SHISA9: variants seen among roughly 807,000 people sequenced by gnomAD.
The protein encoded by SHISA9 is shisa family member 9.
A neutral mutation model predicts 38.0 loss-of-function variants in SHISA9; 13 were observed. That is an observed-to-expected ratio of 0.34 (90% CI 0.22 to 0.54). The LOEUF is 0.54. Ranked by LOEUF, SHISA9 falls within the 20% of genes least tolerant of loss-of-function variation. The pLI is 0.91. For synonymous variants in SHISA9, 275 were observed against 242.0 expected (o/e 1.14, Z -1.27); for missense variants, 538 against 575.8 (o/e 0.93, Z 0.67).
chr16:13,275,122 C>T, the SHISA9 span, among the ~76,000 whole-genome samples: 1 of 152,158 alleles, frequency 6.6e-6, no homozygotes, highest in South Asian at 2.1e-4. Context: ...AAAGACCTCA[C>T]AGGGCTACTG....
At chr16:13,213,943 A>C (rs2098745) in intron 4 of SHISA9, among the ~76,000 whole-genome samples, 37,993 of 152,050 alleles carry the variant, frequency 0.25, 5,649 homozygotes, top group African/African-American at 0.41. Flanking sequence ...CTGTGTAGGC[A>C]TTGTCATCTG....
the SHISA9 span, among the ~76,000 whole-genome samples, chr16:13,361,242 C>T: frequency 2.6e-5 from 4 of 152,306 alleles, no homozygotes; most frequent in South Asian, 2.1e-4. Context: ...TGGGGTTGCT[C>T]GCTCTCTAGA....
At chr16:12,956,830 A>C (rs1044033640) in intron 2 of SHISA9, among the ~76,000 whole-genome samples, 1 of 152,182 alleles carries the variant, frequency 6.6e-6, no homozygotes. Flanking sequence ...CCATTACACA[A>C]AATACCTATA....
At chr16:13,359,761 T>C in the SHISA9 span, among the ~76,000 whole-genome samples, 8 of 152,232 alleles carry the variant, frequency 5.3e-5, no homozygotes, top group Non-Finnish European at 1.2e-4. Flanking sequence ...AGTGTCACTT[T>C]CCTTGTGTGA....
intron 2 of SHISA9, among the ~76,000 whole-genome samples, chr16:13,178,318 C>T (rs2050748839): frequency 6.7e-6 from 1 of 150,358 alleles, no homozygotes; most frequent in Non-Finnish European, 1.5e-5. Flanking sequence ...GCCCATCCCT[C>T]TCTCTGGGTT....
chr16:13,103,950 A>C (rs1302745437), intron 2 of SHISA9, among the ~76,000 whole-genome samples: 2 of 152,166 alleles, frequency 1.3e-5, no homozygotes, highest in Non-Finnish European at 2.9e-5. Flanking sequence ...TCCAAGCTCC[A>C]AAGCCATCCT....
chr16:13,207,646 T>C (rs558775185), intron 3 of SHISA9, among the ~76,000 whole-genome samples: 31 of 152,242 alleles, frequency 2.0e-4, no homozygotes, highest in African/African-American at 6.0e-4. Context: ...CTCTGAGACA[T>C]AGGTGGTCTT....
chr16:13,166,665 C>T (rs187513939), intron 2 of SHISA9, among the ~76,000 whole-genome samples: 3 of 152,238 alleles, frequency 2.0e-5, no homozygotes, highest in Admixed American at 2.0e-4. Flanking sequence ...CGGTGTGCCC[C>T]TAATGCCTCC....
the SHISA9 span, among the ~76,000 whole-genome samples, chr16:13,459,926 A>C: frequency 6.6e-6 from 1 of 151,884 alleles, no homozygotes; most frequent in Admixed American, 6.5e-5. Flanking sequence ...ATATTTTTTT[A>C]ACAGGGACAC....
At chr16:13,508,152 C>A in the SHISA9 span, among the ~76,000 whole-genome samples, 2 of 152,076 alleles carry the variant, frequency 1.3e-5, no homozygotes, top group African/African-American at 4.8e-5. Context: ...AAGCACCTAC[C>A]TTTTAGAGTT....
At chr16:12,935,920 A>T (rs1391409131) in intron 2 of SHISA9, among the ~76,000 whole-genome samples, 1 of 150,932 alleles carries the variant, frequency 6.6e-6, no homozygotes, top group Non-Finnish European at 1.5e-5. Flanking sequence ...ATGTGAGTGG[A>T]CATGAGGGCC....
intron 2 of SHISA9, among the ~76,000 whole-genome samples, chr16:13,159,669 C>T (rs6498382): frequency 0.37 from 56,769 of 152,130 alleles, 11,392 homozygotes; most frequent in Non-Finnish European, 0.44. Context: ...AAGCCTTCTA[C>T]AAGTTCCATA....
At chr16:13,028,781 C>T (rs2072956027) in intron 2 of SHISA9, among the ~76,000 whole-genome samples, 1 of 152,138 alleles carries the variant, frequency 6.6e-6, no homozygotes, top group Non-Finnish European at 1.5e-5. Flanking sequence ...GTTGGAACAG[C>T]TGGGGTCATA....
chr16:13,111,515 T>A (rs1167178864), intron 2 of SHISA9, among the ~76,000 whole-genome samples: 1 of 152,200 alleles, frequency 6.6e-6, no homozygotes, highest in Non-Finnish European at 1.5e-5. Context: ...TGAAAACACC[T>A]CCCTGTTTTG....
intron 2 of SHISA9, among the ~76,000 whole-genome samples, chr16:13,036,678 T>G: frequency 6.6e-6 from 1 of 151,902 alleles, no homozygotes; most frequent in South Asian, 2.1e-4. Context: ...TTTCTGAAAA[T>G]TACATGGTTA....
intron 2 of SHISA9, among the ~76,000 whole-genome samples, chr16:13,132,377 G>A (rs1218364481): frequency 1.3e-5 from 2 of 152,124 alleles, no homozygotes; most frequent in East Asian, 1.9e-4. Context: ...TTCCCAAAAT[G>A]GGATTTGTGA....
chr16:12,977,611 G>T (rs114256585), intron 2 of SHISA9, among the ~76,000 whole-genome samples: 2 of 152,142 alleles, frequency 1.3e-5, no homozygotes, highest in Non-Finnish European at 1.5e-5. Flanking sequence ...TGTGGTACCT[G>T]TCACCATGGA....
At chr16:13,484,328 A>G in the SHISA9 span, among the ~76,000 whole-genome samples, 6 of 152,274 alleles carry the variant, frequency 3.9e-5, no homozygotes, top group East Asian at 1.9e-4. Flanking sequence ...CCCTTGTACA[A>G]TTGTAACTTC....
At chr16:13,005,257 G>C (rs4781378) in intron 2 of SHISA9, among the ~76,000 whole-genome samples, 28,019 of 152,068 alleles carry the variant, frequency 0.18, 3,342 homozygotes, top group Middle Eastern at 0.3. Context: ...TGAGTATGGA[G>C]TTCTGAAGAG....
Sources: allele counts gnomAD v4.1 joint callset (sites outside exome capture counted in the v4.1 genomes callset), GRCh38; gene constraint gnomAD v4.1.1; transcripts MANE v1.5; gene names NCBI Gene and HGNC (gene_info 2026-07-23, HGNC 2026-07-21).